The following ANK1 variants were observed in gnomAD, a reference collection of about 807,000 sequenced individuals.
ANK1 encodes ankyrin-1.
ANK1 carries 51 observed loss-of-function variants against 210.4 expected under a neutral mutation model. That is an observed-to-expected ratio of 0.24 (90% CI 0.19 to 0.31). The LOEUF is 0.31. Ranked by LOEUF, ANK1 falls within the 10% of genes least tolerant of loss-of-function variation. The pLI, the probability that ANK1 is intolerant of heterozygous loss-of-function variation, is 1.00. For synonymous variants in ANK1, 967 were observed against 1,025.9 expected (o/e 0.94, Z 1.10); for missense variants, 2,051 against 2,504.4 (o/e 0.82, Z 3.86).
At chr8:41,896,386 C>T (rs1397520683) in exon 1 of ANK1, 2 of 1,601,746 alleles carry the variant, frequency 1.2e-6, no homozygotes, top group African/African-American at 1.4e-5. Flanking sequence ...GCGGTTTCTC[C>T]GCTTCCTGTT....
At chr8:41,871,355 T>C (rs1281767492) in intron 1 of ANK1, among the ~76,000 whole-genome samples, 2 of 152,176 alleles carry the variant, frequency 1.3e-5, no homozygotes, top group Non-Finnish European at 2.9e-5. Context: ...TCACCCAGGC[T>C]GGAGGGCAGC....
intron 1 of ANK1, among the ~76,000 whole-genome samples, chr8:41,821,641 T>C (rs540081417): frequency 6.6e-6 from 1 of 152,218 alleles, no homozygotes; most frequent in Non-Finnish European, 1.5e-5. Flanking sequence ...GGTGAACCCA[T>C]GCTAGCTGCC....
At chr8:41,838,812 C>T (rs1808320715) in intron 1 of ANK1, among the ~76,000 whole-genome samples, 1 of 126,570 alleles carries the variant, frequency 7.9e-6, no homozygotes, top group Non-Finnish European at 1.6e-5. Flanking sequence ...CGCGGTGGCT[C>T]ATGCCCATAA....
chr8:41,694,891 G>A lies in ANK1; in HGVS notation c.3116-88C>T, dbSNP rs542787316. On this transcript the variant is annotated intron_variant, in intron 27 of 42. Transcript: ENST00000289734. This position sits in a 1 kb window ranked among gnomAD's most constrained non-coding sequence, Gnocchi z 5.7. ...GGCCCCAGAGTCTCCTTGTCCCCAA[G>A]ACCCAGTGCACACACCCTCCCCAGG... The A allele has an allele frequency of 1.5e-6, 2 of 1,377,198 alleles. No individual in the cohort carries two copies. Among genetic ancestry groups the A allele is most frequent in the Non-Finnish European group, 2.0e-6 (2 of 981,802 alleles). 85.3% of individuals were successfully genotyped at this position (1,377,198 alleles called of 1,614,324 possible). A position where few individuals can be genotyped will look rare whatever the true frequency, so the allele number is the denominator to read the frequency against.
intron 1 of ANK1, among the ~76,000 whole-genome samples, chr8:41,789,806 C>A (rs2150759023): frequency 6.6e-6 from 1 of 152,246 alleles, no homozygotes; most frequent in Admixed American, 6.5e-5. Flanking sequence ...ACCTACATCC[C>A]AAGATAGTTT....
chr8:41,808,242 A>G (rs542885395), intron 1 of ANK1, among the ~76,000 whole-genome samples: 12 of 152,168 alleles, frequency 7.9e-5, no homozygotes, highest in South Asian at 4.1e-4. Flanking sequence ...CCAAGCTCCC[A>G]TGGGGTTGTT....
rs530912090 is a variant in ANK1 at position 41,784,490 on chromosome 8, C to A, written c.27+13022G>T. 2.6e-5 allele frequency among the ~76,000 whole-genome samples: 4 copies of A among 152,338 alleles called. No individual in the cohort carries two copies. In the South Asian group the frequency reaches 8.3e-4, roughly 32 times the overall value. ...CTGTAATACAATTCAATGCTACCAC[C>A]TACCGCAAGGACATTTTTCAGGTAA... On this transcript the variant is annotated intron_variant, in intron 1 of 42. Coordinates refer to ENST00000289734, the MANE Select transcript of ANK1 (RefSeq NM_000037.4).
At chr8:41,760,309 C>T (rs1972918) in intron 1 of ANK1, among the ~76,000 whole-genome samples, 47,350 of 151,858 alleles carry the variant, frequency 0.31, 7,609 homozygotes, top group South Asian at 0.38. Flanking sequence ...CATGCTGTTC[C>T]CATGAAAGTG....
chr8:41,808,234 A>C (rs1380098204), intron 1 of ANK1, among the ~76,000 whole-genome samples: 6 of 152,098 alleles, frequency 3.9e-5, no homozygotes, highest in Admixed American at 1.3e-4. Flanking sequence ...GATCACACCC[A>C]AGCTCCCATG....
chr8:41,656,353 C>T (rs560115567), intron 42 of ANK1, among the ~76,000 whole-genome samples: 7 of 152,346 alleles, frequency 4.6e-5, no homozygotes, highest in Admixed American at 3.3e-4. Context: ...CTCTGGCCCA[C>T]AGCACTTCCT....
chr8:41,733,197 A>G (rs1476518841), intron 3 of ANK1, among the ~76,000 whole-genome samples: 1 of 152,200 alleles, frequency 6.6e-6, no homozygotes, highest in Non-Finnish European at 1.5e-5. Flanking sequence ...ACTGAAATGG[A>G]GTGAAATACG....
At chr8:41,855,532 A>G (rs533346978) in intron 1 of ANK1, among the ~76,000 whole-genome samples, 2 of 152,178 alleles carry the variant, frequency 1.3e-5, no homozygotes, top group Non-Finnish European at 2.9e-5. Flanking sequence ...ATATAGAGGA[A>G]CCCACAGAGC....
At chr8:41,723,316 C>T (rs1314427560) in intron 8 of ANK1, 93 bp from the exon 9 acceptor site, 60 of 1,388,838 alleles carry the variant, frequency 4.3e-5, no homozygotes, top group South Asian at 3.7e-4. Flanking sequence ...TCCCAGCCCA[C>T]GCAAGTGCTG....
At chr8:41,682,904 GC>G (rs750771310) in intron 37 of ANK1, among the ~76,000 whole-genome samples, 4 of 152,142 alleles carry the variant, frequency 2.6e-5, no homozygotes, top group African/African-American at 9.7e-5. Context: ...TCCCTCAACC[GC>G]CCTCAGCCCA....
At chr8:41,851,222 C>G (rs1000849282) in intron 1 of ANK1, among the ~76,000 whole-genome samples, 1 of 152,222 alleles carries the variant, frequency 6.6e-6, no homozygotes, top group Non-Finnish European at 1.5e-5. Flanking sequence ...GCTTACTCAG[C>G]GGCTTCTCTC....
intron 42 of ANK1, among the ~76,000 whole-genome samples, chr8:41,659,762 G>A (rs1039406038): frequency 1.4e-4 from 21 of 145,988 alleles, no homozygotes; most frequent in Non-Finnish European, 2.7e-4. Context: ...GCCAAGTGCT[G>A]TCCCAGAGCC....
At chr8:41,751,364 C>T (rs1235682611) in intron 2 of ANK1, among the ~76,000 whole-genome samples, 1 of 152,116 alleles carries the variant, frequency 6.6e-6, no homozygotes, top group African/African-American at 2.4e-5. Context: ...TTGGAGCCCA[C>T]CAGGAGAGGG....
intron 1 of ANK1, among the ~76,000 whole-genome samples, chr8:41,850,301 T>C (rs1350734213): frequency 6.6e-6 from 1 of 152,020 alleles, no homozygotes; most frequent in Admixed American, 6.6e-5. Flanking sequence ...GGGCTAACGG[T>C]GACAACTCTT....
At chr8:41,740,832 C>T (rs1164975268) in intron 2 of ANK1, among the ~76,000 whole-genome samples, 1 of 152,210 alleles carries the variant, frequency 6.6e-6, no homozygotes, top group Non-Finnish European at 1.5e-5. Context: ...CCAGGCCCAA[C>T]TGGCAGACCT....
Sources: allele counts gnomAD v4.1 joint callset (sites outside exome capture counted in the v4.1 genomes callset), GRCh38; gene constraint gnomAD v4.1.1; non-coding constraint Gnocchi (gnomAD v3.1); transcripts MANE v1.5; gene names NCBI Gene and HGNC (gene_info 2026-07-23, HGNC 2026-07-21).